The following CCDC40 variants were observed in gnomAD, a reference collection of about 807,000 sequenced individuals.
CCDC40 encodes the protein coiled-coil domain-containing protein 40.
A neutral mutation model predicts 124.5 loss-of-function variants in CCDC40; 104 were observed. That is an observed-to-expected ratio of 0.84 (90% CI 0.71 to 0.98). The LOEUF (loss-of-function observed/expected upper bound fraction) is 0.98. CCDC40 is among the 50% of genes least tolerant of loss of function. The pLI is 0.00. For synonymous variants in CCDC40, 580 were observed against 602.9 expected (o/e 0.96, Z 0.56); for missense variants, 1,463 against 1,503.9 (o/e 0.97, Z 0.45).
At chr17:80,049,428 AT>A (rs1224416929) in intron 5 of CCDC40, among the ~76,000 whole-genome samples, 14 of 150,658 alleles carry the variant, frequency 9.3e-5, no homozygotes, top group Non-Finnish European at 1.9e-4. Flanking sequence ...AAAAAAAAAA[AT>A]GTCTCCAGTC....
chr17:80,059,380 A>G (rs1427912173), intron 9 of CCDC40, among the ~76,000 whole-genome samples: 4 of 151,674 alleles, frequency 2.6e-5, no homozygotes, highest in Admixed American at 6.6e-5. Flanking sequence ...ACATCTCTGC[A>G]CCTCGTGGAG....
chr17:80,085,376 G>T (rs1164056433), intron 13 of CCDC40, among the ~76,000 whole-genome samples: 1 of 152,216 alleles, frequency 6.6e-6, no homozygotes, highest in East Asian at 1.9e-4. Flanking sequence ...AAGAAAAGTG[G>T]CCTAATGCGT....
chr17:80,055,969 C>G (rs184648321), intron 7 of CCDC40, among the ~76,000 whole-genome samples: 1 of 111,364 alleles, frequency 9.0e-6, no homozygotes, highest in Non-Finnish European at 1.7e-5. Context: ...ACCACCAGGC[C>G]TGGCTAATTT....
At chr17:80,044,961 G>A (rs1189835093) in intron 3 of CCDC40, among the ~76,000 whole-genome samples, 1 of 152,152 alleles carries the variant, frequency 6.6e-6, no homozygotes, top group Non-Finnish European at 1.5e-5. Context: ...AGTGGAGCTT[G>A]TGTCCAGTTG....
At chr17:80,044,703 AAAC>A (rs1455223104) in intron 3 of CCDC40, among the ~76,000 whole-genome samples, 65 of 31,778 alleles carry the variant, frequency 2.0e-3, no homozygotes, top group African/African-American at 7.3e-3. Flanking sequence ...CAAAACAAAC[AAAC>A]AAAAAAAAAA....
chr17:80,090,076 C>A, intron 17 of CCDC40, 192 bp downstream of exon 17: 1 of 1,536,848 alleles, frequency 6.5e-7, no homozygotes, highest in East Asian at 2.4e-5. Context: ...TCCAGCCGAG[C>A]ACTGGCAAAG....
intron 10 of CCDC40, among the ~76,000 whole-genome samples, chr17:80,077,382 G>A (rs1309008048): frequency 6.6e-6 from 1 of 152,140 alleles, no homozygotes; most frequent in Non-Finnish European, 1.5e-5. Flanking sequence ...AATTAGCTGG[G>A]TATGGTGGTG....
At chr17:80,069,778 A>AAGAG (rs578217944) in intron 10 of CCDC40, among the ~76,000 whole-genome samples, 2 of 151,696 alleles carry the variant, frequency 1.3e-5, no homozygotes, top group African/African-American at 4.9e-5. Flanking sequence ...AAAGAAAAAA[A>AAGAG]AGAGAGAGAG....
intron 3 of CCDC40, among the ~76,000 whole-genome samples, chr17:80,047,066 G>GA (rs2037440775): frequency 6.6e-6 from 1 of 152,134 alleles, no homozygotes; most frequent in South Asian, 2.1e-4. Flanking sequence ...GGCTGGTCTC[G>GA]AACTCCTGGC....
chr17:80,097,337 G>T lies in CCDC40; in HGVS notation c.3114G>T (p.Ser1038=). The T allele has an allele frequency of 1.9e-6, 3 of 1,613,948 alleles. No homozygotes were observed. The highest frequency in any genetic ancestry group is 2.5e-6 in the Non-Finnish European group (3 of 1,180,032). Residue 1038 remains serine, a synonymous_variant, in exon 19 of 20, where the codon TCG becomes TCT. Coordinates refer to ENST00000397545, the MANE Select transcript of CCDC40 (RefSeq NM_017950.4). ...TCCTAGAGAAGCAGGAAAAGCTGTC[G>T]GTGATTCAGGCAGACTTCGACACAC... ...SSLLEKQEKL[S]VIQADFDTLE...
Position 80,050,522 on chromosome 17 carries a change from C to A in CCDC40, c.1159+239C>A, listed in dbSNP as rs9890752. Among the ~76,000 whole-genome samples the A allele has an allele frequency of 0.32, 48,632 of 152,122 alleles. 10,559 individuals carry two copies. The highest frequency in any genetic ancestry group is 0.62 in the African/African-American group (25,825 of 41,482). ...GCAATGGCGCGATCTTGGCTCACTG[C>A]AACCTCCCCCTTCCGGGATCAAGCC... On this transcript the variant is annotated intron_variant, in intron 7 of 19. Transcript: ENST00000397545.
chr17:80,048,607 C>T lies in CCDC40; in HGVS notation c.701C>T (p.Ala234Val), dbSNP rs930148592. The T allele has an allele frequency of 6.2e-7, 1 of 1,613,666 alleles. No homozygotes were observed. Among genetic ancestry groups the T allele is most frequent in the Non-Finnish European group, 8.5e-7 (1 of 1,179,764 alleles). Residue 234 changes from alanine (A) to valine (V), a missense_variant, in exon 5 of 20, where the codon GCC becomes GTC. Transcript: ENST00000397545. ...GTGATCCCCCCAGGGGTGCCCGATG[C>T]CCACCCCAGGGAAGGAGACCTGCCA... is the stretch of plus-strand genomic sequence containing the variant. ...EPVIPPGVPDAHPREGDLPVF... is the reference protein window; with the variant it reads ...EPVIPPGVPDVHPREGDLPVF...
At chr17:80,063,536 T>G (rs187111875) in intron 9 of CCDC40, among the ~76,000 whole-genome samples, 2 of 152,260 alleles carry the variant, frequency 1.3e-5, no homozygotes, top group East Asian at 3.9e-4. Flanking sequence ...CTGGCTGAAT[T>G]TGGGTCCCCA....
At chr17:80,078,610 ACT>A (rs1473619906) in intron 10 of CCDC40, among the ~76,000 whole-genome samples, 2 of 151,484 alleles carry the variant, frequency 1.3e-5, no homozygotes, top group South Asian at 2.1e-4. Flanking sequence ...CTGTTTCCAG[ACT>A]CTCTATTCTG....
At position 80,064,238 on chromosome 17, in the gene CCDC40, TC is replaced by T. The variant is rs2037977285; in HGVS notation, c.1441-1242del. The stretch of plus-strand genomic sequence containing the variant: ...TCTCATGCCCGGCGCTGCCCTCGGC[TC>T]CCCCGTGATGTTCTAGCGCACTGTG... On this transcript the variant is annotated intron_variant, in intron 9 of 19. Coordinates refer to ENST00000397545, the MANE Select transcript of CCDC40 (RefSeq NM_017950.4). 2.0e-5 allele frequency among the ~76,000 whole-genome samples: 3 copies of T among 152,178 alleles called. No homozygotes were observed. The South Asian group carries it at 6.2e-4, about 32-fold the overall frequency.
intron 17 of CCDC40, among the ~76,000 whole-genome samples, chr17:80,092,360 G>A (rs1322429444): frequency 2.0e-5 from 3 of 151,912 alleles, no homozygotes; most frequent in East Asian, 1.9e-4. Context: ...TGATAGAGAC[G>A]TACAATCATG....
At chr17:80,054,229 AAC>A (rs1386294824) in intron 7 of CCDC40, among the ~76,000 whole-genome samples, 1 of 152,240 alleles carries the variant, frequency 6.6e-6, no homozygotes, top group African/African-American at 2.4e-5. Context: ...TCATGCAAGT[AAC>A]AGTGTTGGGA....
At position 80,065,574 on chromosome 17, in the gene CCDC40, CGAGGCGCACAGGGCGGTGCTG is replaced by C. The variant is rs1568691348; in HGVS notation, c.1538_1558del (p.His513_Ala519del). The stretch of plus-strand genomic sequence containing the variant: ...GCCTGGTGGGCATGAAGCACCGCGA[CGAGGCGCACAGGGCGGTGCTG>C]GAGGCGCTCAGGTACTGCAGGGCCA... On this transcript the variant is annotated inframe_deletion, in exon 10 of 20. Transcript: ENST00000397545. 1 of 1,612,788 alleles carries C rather than the reference CGAGGCGCACAGGGCGGTGCTG, an allele frequency of 6.2e-7. No individual in the cohort carries two copies. The highest frequency in any genetic ancestry group is 1.3e-5 in the African/African-American group (1 of 74,912).
At chr17:80,043,391 G>A (rs1193966974) in intron 3 of CCDC40, among the ~76,000 whole-genome samples, 3 of 152,072 alleles carry the variant, frequency 2.0e-5, no homozygotes, top group Non-Finnish European at 4.4e-5. Context: ...ACCTCTCAGC[G>A]GCAGGAGATA....
Sources: allele counts gnomAD v4.1 joint callset (sites outside exome capture counted in the v4.1 genomes callset), GRCh38; gene constraint gnomAD v4.1.1; transcripts MANE v1.5; gene names NCBI Gene and HGNC (gene_info 2026-07-23, HGNC 2026-07-21).